C1QTNF5: variants seen among roughly 807,000 people sequenced by gnomAD.
The protein encoded by C1QTNF5 is complement C1q tumor necrosis factor-related protein 5.
In C1QTNF5, 5 loss-of-function variants were observed where a neutral mutation model predicts 10.9. That is an observed-to-expected ratio of 0.46 (90% CI 0.24 to 0.97). C1QTNF5 has a LOEUF of 0.97. Ranked by LOEUF, C1QTNF5 falls within the 50% of genes least tolerant of loss-of-function variation. The pLI is 0.19. For synonymous variants in C1QTNF5, 161 were observed against 156.5 expected (o/e 1.03, Z -0.22); for missense variants, 281 against 339.4 (o/e 0.83, Z 1.35).
rs766972313 is a variant in C1QTNF5, at chr11:119,340,392, C to G, written c.6G>C (p.Arg2Ser). 110 of 1,545,004 alleles carry G rather than the reference C, an allele frequency of 7.1e-5. No homozygotes were observed. Among genetic ancestry groups the G allele is most frequent in the Non-Finnish European group, 9.5e-5 (109 of 1,146,186 alleles). The change falls in exon 2 of 3, where the codon AGG becomes AGC. Residue 2 changes from arginine (R) to serine (S), a missense_variant. Physicochemically the swap from Arg to Ser is moderately radical, Grantham distance 110. Coordinates refer to ENST00000528368, the MANE Select transcript of C1QTNF5 (RefSeq NM_001278431.2). MRPLLVLLLLGL... is the reference protein window; with the variant it reads MSPLLVLLLLGL... ...CCAGGAGCAGCAGGACGAGGAGTGG[C>G]CTCATAGCGCTGGCACCGGGAGCCC...
chr11:119,342,948 C>T (rs769294778), upstream of C1QTNF5: 1 of 1,612,132 alleles, frequency 6.2e-7, no homozygotes, highest in Non-Finnish European at 8.5e-7. Context: ...CTAAACAGCA[C>T]AGCCAGCTCA....
chr11:119,344,404 G>A (rs772869143), upstream of C1QTNF5: 2 of 1,612,330 alleles, frequency 1.2e-6, no homozygotes, highest in Non-Finnish European at 1.7e-6. Flanking sequence ...GTAGAGAGGT[G>A]GAAGGGCTCA....
upstream of C1QTNF5, chr11:119,342,694 G>T: frequency 6.2e-7 from 1 of 1,613,706 alleles, no homozygotes; most frequent in Non-Finnish European, 8.5e-7. Context: ...ACACCCTCCT[G>T]CCTGGCAGGA....
rs772089693 is a variant in C1QTNF5 at position 119,340,295 on chromosome 11, G to A, written c.103C>T (p.Pro35Ser). The A allele has an allele frequency of 6.5e-7, 1 of 1,532,982 alleles. No individual in the cohort carries two copies. The highest frequency in any genetic ancestry group is 8.8e-7 in the Non-Finnish European group (1 of 1,141,432). The allele number at this position is 1,532,982 out of a possible 1,614,324, so 95.0% of individuals were successfully genotyped here. ...PSLCPGHPGL[P>S]GTPGHHGSQG... ...CTGCCATGGTGGCCCGGCGTGCCTG[G>A]AAGGCCGGGGTGCCCCGGGCAGAGG... The change falls in exon 2 of 3, where the codon CCA becomes TCA. Residue 35 changes from proline (P) to serine (S), a missense_variant. Pro to Ser is a moderately conservative substitution (Grantham distance 74, BLOSUM62 -1). Transcript: ENST00000528368.
In C1QTNF5 at chr11:119,339,287, C is replaced by A. The variant is rs1377100762; in HGVS notation, c.*44G>T. ...GATGACCTGGTTGTCAGCCTCACAC[C>A]CTCCTTCTAGGAGTGAGAGCATGAG... is the stretch of plus-strand genomic sequence containing the variant. On this transcript the variant is annotated 3_prime_UTR_variant, in exon 3 of 3. Transcript: ENST00000528368. The surrounding 1 kb of genome is among the most constrained non-coding windows in gnomAD (Gnocchi z 5.4). The A allele has an allele frequency of 3.1e-6, 5 of 1,589,684 alleles. No homozygotes were observed. Among genetic ancestry groups the A allele is most frequent in the South Asian group, 1.1e-5 (1 of 88,096 alleles).
chr11:119,340,163 G>A, intron 2 of C1QTNF5, 21 bp downstream of exon 2: 2 of 1,507,888 alleles, frequency 1.3e-6, no homozygotes, highest in Non-Finnish European at 1.8e-6. Flanking sequence ...GCCACCGATA[G>A]CCGCGGCGGT....
chr11:119,344,296 C>G, upstream of C1QTNF5: 1 of 1,612,170 alleles, frequency 6.2e-7, no homozygotes, highest in East Asian at 2.2e-5. Flanking sequence ...TCCCGTTCTG[C>G]ATGGAGCACT....
Position 119,339,826 on chromosome 11 carries a change from G to A in C1QTNF5, c.237C>T (p.Asp79=). Residue 79 remains aspartate, a synonymous_variant, in exon 3 of 3, where the codon GAC becomes GAT. Coordinates refer to ENST00000528368, the MANE Select transcript of C1QTNF5 (RefSeq NM_001278431.2). This position sits in a 1 kb window ranked among gnomAD's most constrained non-coding sequence, Gnocchi z 5.4. ...GRPGLPGPRG[D]PGPRGEAGPA... ...GTCCCGCCTCTCCTCGCGGCCCGGG[G>A]TCCCCTCGAGGTCCCGGCAGTCCTG... is the stretch of plus-strand genomic sequence containing the variant. 2.0e-6 allele frequency: 3 copies of A among 1,510,700 alleles called. No individual in the cohort carries two copies. Among genetic ancestry groups the A allele is most frequent in the South Asian group, 2.5e-5 (2 of 79,774 alleles). The allele number at this position is 1,510,700 out of a possible 1,614,324, so 93.6% of individuals were successfully genotyped here.
At chr11:119,341,817 C>T (rs1439608095), upstream of C1QTNF5, 1 of 1,611,882 alleles carries the variant, frequency 6.2e-7, no homozygotes, top group Non-Finnish European at 8.5e-7. Context: ...CCAGGCTCCT[C>T]CCCTCCCAGG....
At chr11:119,345,107 G>T, upstream of C1QTNF5, 2 of 1,461,948 alleles carry the variant, frequency 1.4e-6, no homozygotes, top group Non-Finnish European at 9.3e-7. Flanking sequence ...CCCCCAAACT[G>T]GTGACCATGT....
chr11:119,341,488 G>T (rs562519861), upstream of C1QTNF5: 15 of 1,410,618 alleles, frequency 1.1e-5, no homozygotes, highest in East Asian at 3.4e-4. Context: ...GTTCCCCTGC[G>T]TGCCAGCCCT....
At chr11:119,341,617 G>T (rs1442940491), upstream of C1QTNF5, 2 of 1,612,848 alleles carry the variant, frequency 1.2e-6, no homozygotes, top group Non-Finnish European at 1.7e-6. Flanking sequence ...GCCAGGGGGT[G>T]CCCAGTAGTG....
At position 119,339,715 on chromosome 11, in the gene C1QTNF5, A is replaced by G. The variant is rs1185505662; in HGVS notation, c.348T>C (p.Pro116=). ...FSAKRSESRV[P]PPSDAPLPFD... ...AGGGCAAGGGTGCGTCAGACGGCGG[A>G]GGCACCCGGCTCTCGGAGCGCTTGG... The change falls in exon 3 of 3, where the codon CCT becomes CCC. Residue 116 remains proline (P), a synonymous_variant. Transcript: ENST00000528368. The surrounding 1 kb of genome is among the most constrained non-coding windows in gnomAD (Gnocchi z 5.4). 6.2e-7 allele frequency: 1 copy of G among 1,603,206 alleles called. No individual in the cohort carries two copies. Among genetic ancestry groups the G allele is most frequent in the South Asian group, 1.1e-5 (1 of 91,032 alleles).
upstream of C1QTNF5, chr11:119,344,768 G>A: frequency 6.2e-7 from 1 of 1,613,902 alleles, no homozygotes; most frequent in Non-Finnish European, 8.5e-7. Context: ...CTGGATGTGG[G>A]CACCAGGAGT....
chr11:119,345,280 A>G, upstream of C1QTNF5: 1 of 890,860 alleles, frequency 1.1e-6, no homozygotes, highest in Admixed American at 2.2e-5. Context: ...GCACACAGCA[A>G]GGTGGTGGCA....
rs751346951 is a variant in C1QTNF5, at chr11:119,339,757, C to G, written c.306G>C (p.Pro102=). The G allele has an allele frequency of 1.3e-6, 2 of 1,588,420 alleles. No homozygotes were observed. Among genetic ancestry groups the G allele is most frequent in the African/African-American group, 2.7e-5 (2 of 74,702 alleles). ...TGPAGECSVP[P]RSAFSAKRSE... is the part of the protein sequence containing the mutation. ...AGCGCTTGGCGCTGAAGGCGGATCGCGGAGGCACCGAGCACTCCCCGGCAG... is the reference window on the plus strand; with the variant it reads ...AGCGCTTGGCGCTGAAGGCGGATCGGGGAGGCACCGAGCACTCCCCGGCAG... The change falls in exon 3 of 3, where the codon CCG becomes CCC. Residue 102 remains proline, a synonymous_variant. Transcript: ENST00000528368. This position sits in a 1 kb window ranked among gnomAD's most constrained non-coding sequence, Gnocchi z 5.4.
rs1305441996 is a variant in C1QTNF5 at position 119,340,425 on chromosome 11, G to A, written c.-28C>T. Reference sequence around the variant, plus strand: ...CGCTGGCACCGGGAGCCCGGACGCCGGGGTCCTCTCGCAGTCTGTGGACCA... The same window carrying A: ...CGCTGGCACCGGGAGCCCGGACGCCAGGGTCCTCTCGCAGTCTGTGGACCA... On this transcript the variant is annotated 5_prime_UTR_variant, in exon 2 of 3. Transcript: ENST00000528368. The A allele has an allele frequency of 6.5e-7, 1 of 1,538,782 alleles. No individual in the cohort carries two copies. The highest frequency in any genetic ancestry group is 2.5e-5 in the East Asian group (1 of 40,652).
chr11:119,340,329 C>T lies in C1QTNF5; in HGVS notation c.69G>A (p.Lys23=). Residue 23 remains lysine (K), a synonymous_variant, in exon 2 of 3, where the codon AAG becomes AAA. Coordinates refer to ENST00000528368, the MANE Select transcript of C1QTNF5 (RefSeq NM_001278431.2). ...AAGSPPLDDN[K]IPSLCPGHPG... The stretch of plus-strand genomic sequence containing the variant: ...GGTGCCCCGGGCAGAGGCTGGGGAT[C>T]TTGTTGTCGTCCAGTGGGGGCGAGC... 6.5e-7 allele frequency: 1 copy of T among 1,543,304 alleles called. No individual in the cohort carries two copies. The highest frequency in any genetic ancestry group is 8.7e-7 in the Non-Finnish European group (1 of 1,145,060).
Position 119,340,242 on chromosome 11 carries a change from G to A in C1QTNF5, c.156C>T (p.Arg52=). Residue 52 remains arginine, a synonymous_variant, in exon 2 of 3, where the codon CGC becomes CGT. Coordinates refer to ENST00000528368, the MANE Select transcript of C1QTNF5 (RefSeq NM_001278431.2). ...GSQGLPGRDG[R]DGRDGAPGAP... ...CCCCGGGCGCGCCGTCGCGGCCGTC[G>A]CGGCCATCGCGGCCCGGCAAGCCCT... 6.6e-7 allele frequency: 1 copy of A among 1,513,694 alleles called. No homozygotes were observed. Among genetic ancestry groups the A allele is most frequent in the Non-Finnish European group, 8.8e-7 (1 of 1,134,002 alleles). The allele number at this position is 1,513,694 out of a possible 1,614,324, so 93.8% of individuals were successfully genotyped here. A position where few individuals can be genotyped will look rare whatever the true frequency, so the allele number is the denominator to read the frequency against.
Sources: allele counts gnomAD v4.1 joint callset, GRCh38; gene constraint gnomAD v4.1.1; non-coding constraint Gnocchi (gnomAD v3.1); transcripts MANE v1.5; gene names NCBI Gene and HGNC (gene_info 2026-07-23, HGNC 2026-07-21).